NCAM2: variants seen among roughly 807,000 people sequenced by gnomAD.
The protein encoded by NCAM2 is N-CAM-2.
In NCAM2, 30 loss-of-function variants were observed where a neutral mutation model predicts 98.1. The ratio of observed to expected loss-of-function variants is 0.31; its 90% CI spans 0.23 to 0.41. NCAM2 has a LOEUF of 0.41. Ranked by LOEUF, NCAM2 falls within the 10% of genes least tolerant of loss-of-function variation. The pLI is 1.00. For missense variants in NCAM2, 867 were observed against 1,005.8 expected (o/e 0.86, Z 1.87); for synonymous variants, 368 against 342.4 (o/e 1.07, Z -0.83).
At chr21:21,175,485 A>G (rs1265746342) in intron 1 of NCAM2, among the ~76,000 whole-genome samples, 7 of 152,172 alleles carry the variant, frequency 4.6e-5, no homozygotes, top group Non-Finnish European at 1.5e-5. Flanking sequence ...GCAGGCTGAG[A>G]TCGTGCCACT....
At chr21:21,448,780 T>TG (rs1395555654) in intron 12 of NCAM2, among the ~76,000 whole-genome samples, 1 of 152,036 alleles carries the variant, frequency 6.6e-6, no homozygotes, top group Non-Finnish European at 1.5e-5. Flanking sequence ...ACTTATGAAT[T>TG]GCAAAAAAGA....
At chr21:21,142,479 C>T (rs978883308) in intron 1 of NCAM2, among the ~76,000 whole-genome samples, 19 of 146,674 alleles carry the variant, frequency 1.3e-4, no homozygotes, top group Admixed American at 2.1e-4. Flanking sequence ...TCTGGGTTCA[C>T]GCCATTCTCC....
intron 8 of NCAM2, among the ~76,000 whole-genome samples, chr21:21,365,172 C>G (rs1174332945): frequency 1.3e-5 from 2 of 151,912 alleles, no homozygotes; most frequent in Non-Finnish European, 2.9e-5. Flanking sequence ...CACACACACA[C>G]AGAGAAATAC....
intron 15 of NCAM2, among the ~76,000 whole-genome samples, chr21:21,501,685 C>T (rs2146336646): frequency 1.3e-5 from 2 of 151,092 alleles, no homozygotes; most frequent in Non-Finnish European, 3.0e-5. Context: ...TCTTAAGTAG[C>T]TGTCAATTCT....
At chr21:21,210,967 A>AACACACACACACACACACACACACAC (rs71195310) in intron 1 of NCAM2, among the ~76,000 whole-genome samples, 1 of 127,336 alleles carries the variant, frequency 7.9e-6, no homozygotes, top group African/African-American at 3.2e-5. Flanking sequence ...ACTCTCCCCA[A>AACACACACACACACACACACACACAC]ACACACACAC....
Position 21,284,317 on chromosome 21 carries a change from T to C in NCAM2, c.254T>C (p.Ile85Thr), listed in dbSNP as rs542967293. The change falls in exon 3 of 18, where the codon ATA (isoleucine) becomes ACA (threonine). Residue 85 changes from isoleucine to threonine, a missense_variant. Around this residue, in one of 5 missense-constraint regions of NCAM2, gnomAD observed 447 missense variants for 495.7 expected, o/e 0.90. Coordinates refer to ENST00000400546, the MANE Select transcript of NCAM2 (RefSeq NM_004540.5). The stretch of plus-strand genomic sequence containing the variant: ...CGGTTAACCATCTACAATGCAAATA[T>C]AGAAGATGCAGGGATATATCGTTGT... ...RSRLTIYNAN[I>T]EDAGIYRCQA... 134 of 1,612,582 alleles carry C rather than the reference T, an allele frequency of 8.3e-5. 2 individuals are homozygous for C. Among genetic ancestry groups the C allele is most frequent in the South Asian group, 6.8e-4 (62 of 91,050 alleles).
At chr21:21,388,803 A>T (rs17204018) in intron 9 of NCAM2, among the ~76,000 whole-genome samples, 1 of 152,134 alleles carries the variant, frequency 6.6e-6, no homozygotes, top group Non-Finnish European at 1.5e-5. Context: ...CCCAATACAA[A>T]TCTAGTGGCT....
chr21:21,390,892 T>C (rs770110666), intron 9 of NCAM2, among the ~76,000 whole-genome samples: 8 of 152,206 alleles, frequency 5.3e-5, no homozygotes, highest in Non-Finnish European at 1.0e-4. Flanking sequence ...TTTGTGAAAA[T>C]ATGCACACCT....
At chr21:21,202,408 CT>C (rs11385750) in intron 1 of NCAM2, among the ~76,000 whole-genome samples, 1,324 of 80,154 alleles carry the variant, frequency 0.017, 13 homozygotes, top group African/African-American at 0.064. Context: ...AGCAAATATC[CT>C]TTTTTTTTTT....
chr21:21,127,469 G>T (rs1270770346), intron 1 of NCAM2, among the ~76,000 whole-genome samples: 2 of 152,052 alleles, frequency 1.3e-5, no homozygotes, highest in African/African-American at 4.8e-5. Context: ...GAATATTCCA[G>T]ATCTTCTCTT....
At position 21,284,255 on chromosome 21, in the gene NCAM2, A is replaced by G; in HGVS notation, c.192A>G (p.Thr64=). ...CTCAAGGAGAGAAGATAATTTCAACACAGAGGGTAGTAGTGCAAAAGGAAG... is the reference window on the plus strand; with the variant it reads ...CTCAAGGAGAGAAGATAATTTCAACGCAGAGGGTAGTAGTGCAAAAGGAAG... The part of the protein sequence containing the change: ...YNPQGEKIIS[T]QRVVVQKEGV... Residue 64 remains threonine (T), a synonymous_variant, in exon 3 of 18, where the codon ACA becomes ACG. Coordinates refer to ENST00000400546, the MANE Select transcript of NCAM2 (RefSeq NM_004540.5). The G allele has an allele frequency of 6.2e-7, 1 of 1,612,694 alleles. No homozygotes were observed. The highest frequency in any genetic ancestry group is 8.5e-7 in the Non-Finnish European group (1 of 1,178,928).
At chr21:21,172,450 A>G (rs2068155558) in intron 1 of NCAM2, among the ~76,000 whole-genome samples, 1 of 152,082 alleles carries the variant, frequency 6.6e-6, no homozygotes. Context: ...TGCCATCTGT[A>G]AGTCTGAAAA....
chr21:21,253,971 A>T (rs1281415511), intron 1 of NCAM2, among the ~76,000 whole-genome samples: 1 of 152,196 alleles, frequency 6.6e-6, no homozygotes, highest in Non-Finnish European at 1.5e-5. Context: ...CAGAGGGATT[A>T]TAAAATTTAA....
At chr21:21,435,037 A>G (rs567723125) in intron 12 of NCAM2, among the ~76,000 whole-genome samples, 5 of 129,990 alleles carry the variant, frequency 3.8e-5, no homozygotes, top group Non-Finnish European at 1.7e-5. Context: ...GAGATAGAAT[A>G]TTCCTTTTTG....
chr21:21,107,852 A>G (rs1170118029), intron 1 of NCAM2, among the ~76,000 whole-genome samples: 1 of 152,102 alleles, frequency 6.6e-6, no homozygotes, highest in Non-Finnish European at 1.5e-5. Flanking sequence ...CTTAATTTAT[A>G]TCTAGTGGGA....
chr21:21,237,660 C>G (rs2070887379), intron 1 of NCAM2, among the ~76,000 whole-genome samples: 1 of 151,868 alleles, frequency 6.6e-6, no homozygotes, highest in African/African-American at 2.4e-5. Context: ...TACTGTTTTT[C>G]AAATTAATTT....
chr21:21,411,050 G>GTGTATATATATACATATATA (rs1569033031), intron 10 of NCAM2, among the ~76,000 whole-genome samples: 6 of 30,206 alleles, frequency 2.0e-4, no homozygotes, highest in Non-Finnish European at 2.6e-4. Flanking sequence ...ATATATATGT[G>GTGTATATATATACATATATA]TGTGTATATA....
intron 1 of NCAM2, among the ~76,000 whole-genome samples, chr21:21,032,925 A>C (rs1168258165): frequency 8.6e-6 from 1 of 116,948 alleles, no homozygotes; most frequent in Non-Finnish European, 1.8e-5. Flanking sequence ...CTAACAGCAC[A>C]TGGTTTCTTT....
At chr21:21,071,612 T>C (rs1437382005) in intron 1 of NCAM2, among the ~76,000 whole-genome samples, 1 of 152,146 alleles carries the variant, frequency 6.6e-6, no homozygotes, top group Admixed American at 6.6e-5. Flanking sequence ...AGAAGTTAAA[T>C]TGAAAAATAA....
Sources: allele counts gnomAD v4.1 joint callset (sites outside exome capture counted in the v4.1 genomes callset), GRCh38; gene constraint gnomAD v4.1.1; regional missense constraint gnomAD v4.1.1; transcripts MANE v1.5; gene names NCBI Gene and HGNC (gene_info 2026-07-23, HGNC 2026-07-21).